Variants in TASP1 observed in about 807,000 individuals in gnomAD.
The protein encoded by TASP1 is taspase 1, also known as threonine aspartase 1.
In TASP1, 16 loss-of-function variants were observed where a neutral mutation model predicts 56.6. The ratio of observed to expected loss-of-function variants is 0.28; its 90% CI spans 0.19 to 0.43. The LOEUF (loss-of-function observed/expected upper bound fraction) is 0.43. Ranked by LOEUF, TASP1 falls within the 20% of genes least tolerant of loss-of-function variation. The pLI is 1.00. For missense variants in TASP1, 393 were observed against 511.6 expected, an observed-to-expected ratio of 0.77 and a Z score of 2.24; for synonymous variants, 179 against 184.2, an observed-to-expected ratio of 0.97 and a Z score of 0.23.
the TASP1 span, among the ~76,000 whole-genome samples, chr20:13,111,304 G>A: frequency 2.0e-5 from 3 of 152,192 alleles, no homozygotes; most frequent in South Asian, 6.2e-4. Context: ...TGTTGATGAA[G>A]TCTTTGGGAG....
At position 13,631,823 on chromosome 20, in the gene TASP1, C is replaced by T. The variant is rs577979484; in HGVS notation, c.-74-1671G>A. On this transcript the variant is annotated intron_variant, in intron 1 of 13. Coordinates refer to ENST00000337743, the MANE Select transcript of TASP1 (RefSeq NM_017714.3). ...GGCTCACGCCTGTAATCTAGCACTTCGGGAGGCCAAGGCGGGTGGATCACA... is the reference window on the plus strand; with the variant it reads ...GGCTCACGCCTGTAATCTAGCACTTTGGGAGGCCAAGGCGGGTGGATCACA... Among the ~76,000 whole-genome samples, 16 of 151,958 alleles carry T rather than the reference C, an allele frequency of 1.1e-4. No individual in the cohort carries two copies. The East Asian group carries it at 2.7e-3, about 26-fold the overall frequency.
chr20:13,594,458 C>T (rs1187380435), intron 4 of TASP1, among the ~76,000 whole-genome samples: 1 of 151,998 alleles, frequency 6.6e-6, no homozygotes, highest in Non-Finnish European at 1.5e-5. Context: ...TAACACATCG[C>T]AAAAAGCTAA....
At chr20:13,203,991 A>C in the TASP1 span, among the ~76,000 whole-genome samples, 30 of 152,234 alleles carry the variant, frequency 2.0e-4, no homozygotes, top group Non-Finnish European at 3.2e-4. Flanking sequence ...AATGCTTGTC[A>C]CATTGGTTCA....
intron 5 of TASP1, 38 bp from the exon 6 acceptor site, chr20:13,581,019 A>T: frequency 6.4e-7 from 1 of 1,574,042 alleles, no homozygotes; most frequent in Non-Finnish European, 8.7e-7. Flanking sequence ...AAAAGATGTC[A>T]GAAATGTCTT....
At chr20:13,526,432 C>T (rs755991274) in intron 10 of TASP1, among the ~76,000 whole-genome samples, 9 of 152,046 alleles carry the variant, frequency 5.9e-5, no homozygotes, top group South Asian at 2.1e-4. Flanking sequence ...TCCATAGACA[C>T]GGGGCCATAC....
At chr20:13,355,884 G>A in the TASP1 span, among the ~76,000 whole-genome samples, 7 of 152,104 alleles carry the variant, frequency 4.6e-5, no homozygotes, top group African/African-American at 1.7e-4. Flanking sequence ...AGATCCCCCA[G>A]TTCTAAAGAG....
At chr20:13,239,600 G>A in the TASP1 span, 1 of 152,172 alleles carries the variant, frequency 6.6e-6, no homozygotes, top group Non-Finnish European at 1.5e-5. Flanking sequence ...ATACACAAGG[G>A]TCACTGCACA....
At chr20:13,186,382 T>C in the TASP1 span, among the ~76,000 whole-genome samples, 1 of 152,150 alleles carries the variant, frequency 6.6e-6, no homozygotes, top group Non-Finnish European at 1.5e-5. Flanking sequence ...CTTCTTATTT[T>C]ACCTAAAGAG....
intron 6 of TASP1, among the ~76,000 whole-genome samples, chr20:13,579,901 T>C (rs1430590342): frequency 1.3e-5 from 2 of 152,214 alleles, no homozygotes; most frequent in African/African-American, 4.8e-5. Context: ...TATTAATTTA[T>C]TTTCTGTGAC....
chr20:13,243,978 G>T, the TASP1 span: 1 of 152,178 alleles, frequency 6.6e-6, no homozygotes, highest in African/African-American at 2.4e-5. Flanking sequence ...AATGCTCATG[G>T]TATTTGCAGA....
chr20:13,562,993 T>C (rs1227671745), intron 7 of TASP1, among the ~76,000 whole-genome samples: 3 of 141,128 alleles, frequency 2.1e-5, no homozygotes, highest in African/African-American at 7.7e-5. Flanking sequence ...TATATACACA[T>C]ATATACACAC....
chr20:13,611,917 A>C (rs536412195), intron 4 of TASP1, among the ~76,000 whole-genome samples: 9 of 152,316 alleles, frequency 5.9e-5, no homozygotes, highest in Non-Finnish European at 1.0e-4. Context: ...TGGGCCAATC[A>C]ACACGCATCT....
the TASP1 span, among the ~76,000 whole-genome samples, chr20:13,342,305 A>G: frequency 1.3e-5 from 2 of 151,996 alleles, no homozygotes; most frequent in Non-Finnish European, 2.9e-5. Flanking sequence ...GTTTGTTTTG[A>G]CTTTTAGCTA....
At chr20:13,421,112 T>C (rs1444325239) in intron 12 of TASP1, among the ~76,000 whole-genome samples, 2 of 147,296 alleles carry the variant, frequency 1.4e-5, no homozygotes, top group Non-Finnish European at 3.0e-5. Flanking sequence ...TTCCTTCTTT[T>C]TTTTTTTTTT....
At chr20:13,137,607 A>G in the TASP1 span, among the ~76,000 whole-genome samples, 1 of 152,282 alleles carries the variant, frequency 6.6e-6, no homozygotes, top group East Asian at 1.9e-4. Context: ...CAGAGAGGCT[A>G]AAGATGACAA....
At chr20:13,441,515 T>C (rs1272378304) in intron 11 of TASP1, among the ~76,000 whole-genome samples, 1 of 152,178 alleles carries the variant, frequency 6.6e-6, no homozygotes, top group Non-Finnish European at 1.5e-5. Context: ...AACCATGTGA[T>C]AATCTGAGGA....
intron 4 of TASP1, among the ~76,000 whole-genome samples, chr20:13,594,410 G>A (rs1030450262): frequency 1.3e-5 from 2 of 152,074 alleles, no homozygotes; most frequent in Non-Finnish European, 2.9e-5. Context: ...TCAGAAGGTC[G>A]GTAATAACAA....
chr20:13,226,257 C>T, the TASP1 span, among the ~76,000 whole-genome samples: 3 of 152,336 alleles, frequency 2.0e-5, no homozygotes, highest in African/African-American at 7.2e-5. Flanking sequence ...CTTGTATTCA[C>T]TGCTTTGGAT....
the TASP1 span, chr20:13,165,099 TAC>T: frequency 0.021 from 7,798 of 367,594 alleles, no homozygotes; most frequent in Middle Eastern, 0.037. Context: ...CTACTAGAAA[TAC>T]ACACACACAC....
Sources: gnomAD v4.1 joint callset for allele counts (sites outside exome capture counted in the v4.1 genomes callset) on GRCh38, gnomAD v4.1.1 for gene constraint, MANE v1.5 for transcripts, NCBI Gene and HGNC (gene_info 2026-07-23, HGNC 2026-07-21) for gene names.